ZFHX3: variants seen among roughly 807,000 people sequenced by gnomAD.
ZFHX3 encodes zinc finger homeobox 3.
ZFHX3 carries 42 observed loss-of-function variants against 279.1 expected under a neutral mutation model. The observed-to-expected ratio is 0.15, with a 90% CI of 0.12 to 0.19. ZFHX3 has a LOEUF of 0.19. Ranked by LOEUF, ZFHX3 falls within the 10% of genes least tolerant of loss-of-function variation. The probability of loss-of-function intolerance (pLI) is 1.00; values close to 1 mark genes in which losing one functional copy is unlikely to be tolerated. For synonymous variants in ZFHX3, 2,293 were observed against 1,957.8 expected, an observed-to-expected ratio of 1.17 and a Z score of -4.52; for missense variants, 4,981 against 4,754.0, an observed-to-expected ratio of 1.05 and a Z score of -1.40.
At chr16:73,843,848 A>C (rs1961377749) in intron 1 of ZFHX3, among the ~76,000 whole-genome samples, 2 of 152,220 alleles carry the variant, frequency 1.3e-5, no homozygotes, top group Admixed American at 1.3e-4. Flanking sequence ...ACAGCCACAG[A>C]CAGTTTGTAA....
At chr16:73,028,352 G>A (rs898391851) in intron 1 of ZFHX3, among the ~76,000 whole-genome samples, 5 of 152,150 alleles carry the variant, frequency 3.3e-5, no homozygotes, top group African/African-American at 1.2e-4. Flanking sequence ...ACAGTTGTTC[G>A]GGAGAAGTCC....
chr16:72,959,201 T>C lies in ZFHX3; in HGVS notation c.945A>G (p.Lys315=), dbSNP rs1961432018. Reference sequence around the variant, plus strand: ...CGGAGATGTTCTTATTGCTAAGAATTTTCCGCTCGTCTTCGCTCAGGGTCA... The same window carrying C: ...CGGAGATGTTCTTATTGCTAAGAATCTTCCGCTCGTCTTCGCTCAGGGTCA... ...HRMTLSEDER[K]ILSNKNISAI... is the part of the protein sequence containing the mutation. The change falls in exon 2 of 10, where the codon AAA becomes AAG. Residue 315 remains lysine (K), a synonymous_variant. Transcript: ENST00000268489. 1.9e-6 allele frequency: 3 copies of C among 1,614,066 alleles called. No individual in the cohort carries two copies. Among genetic ancestry groups the C allele is most frequent in the Admixed American group, 3.3e-5 (2 of 60,014 alleles).
chr16:73,760,775 C>G (rs2053855845), intron 1 of ZFHX3, among the ~76,000 whole-genome samples: 1 of 151,970 alleles, frequency 6.6e-6, no homozygotes, highest in South Asian at 2.1e-4. Context: ...ATTCAACATC[C>G]CTTCATGTTA....
At chr16:72,832,800 G>A (rs541932350) in intron 4 of ZFHX3, among the ~76,000 whole-genome samples, 1 of 152,340 alleles carries the variant, frequency 6.6e-6, no homozygotes, top group East Asian at 1.9e-4. Context: ...AGTCTGGACC[G>A]CCTAACCTGA....
At chr16:73,526,112 A>G (rs1256894561) in intron 2 of ZFHX3, among the ~76,000 whole-genome samples, 2 of 152,246 alleles carry the variant, frequency 1.3e-5, no homozygotes, top group African/African-American at 4.8e-5. Flanking sequence ...CTTGGCCAGG[A>G]AAATGATTGC....
intron 4 of ZFHX3, among the ~76,000 whole-genome samples, chr16:73,280,736 C>G (rs2014434875): frequency 6.6e-6 from 1 of 151,934 alleles, no homozygotes; most frequent in Admixed American, 6.6e-5. Flanking sequence ...TATCCCAGAA[C>G]TTTGGGAGGC....
At chr16:73,857,817 T>A (rs1208230375) in intron 1 of ZFHX3, among the ~76,000 whole-genome samples, 2 of 152,154 alleles carry the variant, frequency 1.3e-5, no homozygotes, top group East Asian at 3.9e-4. Flanking sequence ...ATCAAAAATA[T>A]GTCCCTGGGC....
intron 5 of ZFHX3, among the ~76,000 whole-genome samples, chr16:73,159,301 TG>T (rs1967169829): frequency 6.6e-6 from 1 of 152,188 alleles, no homozygotes; most frequent in Non-Finnish European, 1.5e-5. Flanking sequence ...GTGGTAAAAA[TG>T]GTCACGCATT....
chr16:73,507,492 T>C (rs1040744635), intron 2 of ZFHX3, among the ~76,000 whole-genome samples: 23 of 134,430 alleles, frequency 1.7e-4, no homozygotes, highest in Non-Finnish European at 3.3e-4. Flanking sequence ...CCACTTTTTT[T>C]TTTTTTTTTT....
rs953076915 is a variant in ZFHX3 at position 73,658,590 on chromosome 16, G to A, written c.-1547+21590C>T. 3.3e-5 allele frequency among the ~76,000 whole-genome samples: 5 copies of A among 152,210 alleles called. No individual in the cohort carries two copies. In the South Asian group the frequency reaches 6.2e-4, roughly 19 times the overall value. On this transcript the variant is annotated intron_variant, in intron 2 of 17. Coordinates refer to the ZFHX3 transcript ENST00000641206. Reference sequence around the variant, plus strand: ...AGTGCTGGGATTACAGGCATGAGCCGCCGTGCCTGGCCAGAAATAGAAATT... The same window carrying A: ...AGTGCTGGGATTACAGGCATGAGCCACCGTGCCTGGCCAGAAATAGAAATT...
intron 1 of ZFHX3, chr16:73,812,647 G>C (rs1235966502): frequency 6.6e-6 from 1 of 152,192 alleles, no homozygotes; most frequent in Non-Finnish European, 1.5e-5. Flanking sequence ...CCCTGTAAGA[G>C]CTAGCCCTTT....
chr16:73,841,408 G>A (rs179182), intron 1 of ZFHX3, among the ~76,000 whole-genome samples: 2,144 of 152,206 alleles, frequency 0.014, 58 homozygotes, highest in African/African-American at 0.047. Context: ...GAGACATGGC[G>A]GACCAGGAAT....
At chr16:72,938,525 G>A (rs1205368295) in intron 3 of ZFHX3, among the ~76,000 whole-genome samples, 1 of 152,238 alleles carries the variant, frequency 6.6e-6, no homozygotes, top group Non-Finnish European at 1.5e-5. Flanking sequence ...CGGGAAGGGA[G>A]AGGGAGTTTC....
At chr16:73,881,451 A>ACT (rs1226500279) in intron 1 of ZFHX3, among the ~76,000 whole-genome samples, 1 of 79,840 alleles carries the variant, frequency 1.3e-5, no homozygotes, top group Admixed American at 1.8e-4. Flanking sequence ...ACACACACAC[A>ACT]CACTCTCTCT....
At chr16:73,588,374 C>G (rs2051949517) in intron 2 of ZFHX3, among the ~76,000 whole-genome samples, 1 of 152,068 alleles carries the variant, frequency 6.6e-6, no homozygotes, top group Non-Finnish European at 1.5e-5. Context: ...TTAGATCTAA[C>G]TATGACTGTA....
chr16:72,902,443 C>T (rs184932815), intron 3 of ZFHX3, among the ~76,000 whole-genome samples: 4 of 152,288 alleles, frequency 2.6e-5, no homozygotes, highest in South Asian at 2.1e-4. Context: ...CTGGCTTCCT[C>T]GCATGGCCCT....
At position 72,795,188 on chromosome 16, in the gene ZFHX3, G is replaced by T. The variant is rs781612884; in HGVS notation, c.7494C>A (p.Ser2498Arg). ...GGTGGGAGAGCTGGGAAGGACTGGG[G>T]CTCGACTGGGGTAAGGGGCACTGTG... ...PPPQCPLPQS[S>R]PSPSQLSHLP... Residue 2498 changes from serine to arginine, a missense_variant, in exon 9 of 10, where the codon AGC becomes AGA. Transcript: ENST00000268489. 6.2e-7 allele frequency: 1 copy of T among 1,607,706 alleles called. No homozygotes were observed. Among genetic ancestry groups the T allele is most frequent in the South Asian group, 1.1e-5 (1 of 89,892 alleles).
At chr16:73,183,378 CT>C (rs1967843649) in intron 5 of ZFHX3, among the ~76,000 whole-genome samples, 1 of 152,220 alleles carries the variant, frequency 6.6e-6, no homozygotes, top group Non-Finnish European at 1.5e-5. Flanking sequence ...GACGTTCACC[CT>C]TTGCCTTTTA....
At chr16:73,393,381 T>C (rs767372380) in intron 3 of ZFHX3, among the ~76,000 whole-genome samples, 1 of 152,220 alleles carries the variant, frequency 6.6e-6, no homozygotes, top group African/African-American at 2.4e-5. Flanking sequence ...TATTTTACCG[T>C]TCCTGATACT....
Sources: allele counts gnomAD v4.1 joint callset (sites outside exome capture counted in the v4.1 genomes callset), GRCh38; gene constraint gnomAD v4.1.1; transcripts MANE v1.5; gene names NCBI Gene and HGNC (gene_info 2026-07-23, HGNC 2026-07-21).